Variants in GLTP observed in about 807,000 individuals in gnomAD.
The protein encoded by GLTP is glycolipid transfer protein.
GLTP carries 22 observed loss-of-function variants against 24.0 expected under a neutral mutation model. The observed-to-expected ratio is 0.92, with a 90% CI of 0.65 to 1.31. The LOEUF is 1.31. Among genes scored for constraint, GLTP ranks in the 50% most tolerant of loss-of-function variants. The probability of loss-of-function intolerance (pLI) is 0.00; values close to 1 mark genes in which losing one functional copy is unlikely to be tolerated. For missense variants in GLTP, 224 were observed against 276.6 expected (o/e 0.81, Z 1.35); for synonymous variants, 92 against 115.9 (o/e 0.79, Z 1.33).
At chr12:109,856,656 G>A (rs923044121) in intron 3 of GLTP, among the ~76,000 whole-genome samples, 1 of 152,190 alleles carries the variant, frequency 6.6e-6, no homozygotes, top group South Asian at 2.1e-4. Context: ...AAGTCAGGGT[G>A]GGGTGCTCTA....
intron 1 of GLTP, among the ~76,000 whole-genome samples, chr12:109,878,147 C>T (rs1457084234): frequency 1.3e-5 from 2 of 152,218 alleles, no homozygotes; most frequent in Non-Finnish European, 2.9e-5. Flanking sequence ...TGCTCTTTAG[C>T]CCTGGCACCA....
At chr12:109,862,217 C>A (rs909797997) in intron 1 of GLTP, among the ~76,000 whole-genome samples, 2 of 152,134 alleles carry the variant, frequency 1.3e-5, no homozygotes, top group Admixed American at 1.3e-4. Context: ...CCCAGACAGG[C>A]CTGCCAAGCA....
chr12:109,855,503 G>T lies in GLTP; in HGVS notation c.447+116C>A. The T allele has an allele frequency of 1.1e-6, 1 of 910,848 alleles. No homozygotes were observed. Among genetic ancestry groups the T allele is most frequent in the Non-Finnish European group, 1.6e-6 (1 of 616,856 alleles). The allele number at this position is 910,848 out of a possible 1,614,324, so 56.4% of individuals were successfully genotyped here. On this transcript the variant is annotated intron_variant, in intron 4 of 4. Transcript: ENST00000318348. The surrounding 1 kb of genome is among the most constrained non-coding windows in gnomAD (Gnocchi z 4.1). ...CCAAATAGATGAGGGAGCCCTTCCT[G>T]AGCCCGAGGGGGTAAACACAGCCTC...
intron 1 of GLTP, among the ~76,000 whole-genome samples, chr12:109,875,716 T>C (rs1191248396): frequency 3.9e-5 from 6 of 152,106 alleles, no homozygotes; most frequent in African/African-American, 7.2e-5. Flanking sequence ...GAGATTCCAA[T>C]TGGAGATAAG....
chr12:109,877,905 G>C (rs1214555301), intron 1 of GLTP, among the ~76,000 whole-genome samples: 1 of 152,180 alleles, frequency 6.6e-6, no homozygotes, highest in Admixed American at 6.5e-5. Flanking sequence ...GAGAATAATG[G>C]TTCAAACGAA....
chr12:109,868,542 A>G (rs1868615142), intron 1 of GLTP, among the ~76,000 whole-genome samples: 1 of 152,148 alleles, frequency 6.6e-6, no homozygotes, highest in African/African-American at 2.4e-5. Context: ...TGTTCAGGGA[A>G]AAAAAAGGAC....
At chr12:109,854,365 CAAAAAA>C (rs34720686) in intron 4 of GLTP, among the ~76,000 whole-genome samples, 3 of 97,612 alleles carry the variant, frequency 3.1e-5, no homozygotes, top group South Asian at 3.6e-4. Flanking sequence ...GACCCTGTCT[CAAAAAA>C]AAAAAAAAAA....
At chr12:109,856,356 TG>T (rs1892795830) in intron 3 of GLTP, among the ~76,000 whole-genome samples, 1 of 152,118 alleles carries the variant, frequency 6.6e-6, no homozygotes, top group African/African-American at 2.4e-5. Context: ...GAGAAGCGGA[TG>T]GGGTACAACA....
rs549981952 is a variant in GLTP at position 109,875,755 on chromosome 12, C to T, written c.103+4517G>A. On this transcript the variant is annotated intron_variant, in intron 1 of 4. Coordinates refer to ENST00000318348, the MANE Select transcript of GLTP (RefSeq NM_016433.4). ...GAAGGGCAGGCCCAAGATATGGATG[C>T]GCTAAATCAGGCAGGCAAGAGGCTG... Among the ~76,000 whole-genome samples the T allele has an allele frequency of 2.6e-5, 4 of 152,322 alleles. No homozygotes were observed. The East Asian group carries it at 5.8e-4, about 22-fold the overall frequency.
chr12:109,878,604 A>C (rs968123127), intron 1 of GLTP, among the ~76,000 whole-genome samples: 5 of 148,686 alleles, frequency 3.4e-5, no homozygotes, highest in East Asian at 2.0e-4. Context: ...ACAAGCAAGC[A>C]AAAAAAAAAC....
Position 109,859,527 on chromosome 12 carries a change from A to ATTT in GLTP, c.104-789_104-787dup, listed in dbSNP as rs35192952. On this transcript the variant is annotated intron_variant, in intron 1 of 4. Transcript: ENST00000318348. ...GAGCGAGACTCTGTCTCAAAAAATAATTTTTTTTTTGCACAGATCTTGATG... is the reference window on the plus strand; with the variant it reads ...GAGCGAGACTCTGTCTCAAAAAATAATTTTTTTTTTTTTGCACAGATCTTGATG... 6.2e-3 allele frequency among the ~76,000 whole-genome samples: 928 copies of ATTT among 150,244 alleles called. 1 individual carries two copies. Among genetic ancestry groups the ATTT allele is most frequent in the Non-Finnish European group, 9.0e-3 (606 of 67,572 alleles).
intron 1 of GLTP, among the ~76,000 whole-genome samples, chr12:109,877,165 T>TC (rs1868916358): frequency 1.3e-5 from 2 of 152,152 alleles, no homozygotes; most frequent in African/African-American, 4.8e-5. Context: ...TACTTTTTTT[T>TC]CCCCAAAAAG....
intron 1 of GLTP, among the ~76,000 whole-genome samples, chr12:109,871,501 C>G (rs1211462827): frequency 1.3e-5 from 2 of 152,188 alleles, no homozygotes; most frequent in African/African-American, 2.4e-5. Context: ...GAGACGACTT[C>G]CAACGTCTTC....
At chr12:109,874,431 C>T (rs541020373) in intron 1 of GLTP, among the ~76,000 whole-genome samples, 1 of 152,274 alleles carries the variant, frequency 6.6e-6, no homozygotes, top group African/African-American at 2.4e-5. Flanking sequence ...ACCTAGAAGG[C>T]CACATTCCAC....
At chr12:109,876,800 TCTCA>T (rs1411585533) in intron 1 of GLTP, among the ~76,000 whole-genome samples, 1 of 152,192 alleles carries the variant, frequency 6.6e-6, no homozygotes, top group Non-Finnish European at 1.5e-5. Flanking sequence ...TGAGACAGGG[TCTCA>T]CTCTGTCAAC....
At chr12:109,868,094 T>TCCGAGGCTC (rs1267658032) in intron 1 of GLTP, among the ~76,000 whole-genome samples, 1 of 152,332 alleles carries the variant, frequency 6.6e-6, no homozygotes, top group South Asian at 2.1e-4. Flanking sequence ...AGCTTTGACC[T>TCCGAGGCTC]CCGAGGCTCA....
intron 1 of GLTP, among the ~76,000 whole-genome samples, chr12:109,862,914 T>C (rs1868410723): frequency 6.6e-6 from 1 of 151,930 alleles, no homozygotes; most frequent in African/African-American, 2.4e-5. Flanking sequence ...TAGCCAGGTG[T>C]GGTGGTGCAT....
At position 109,855,588 on chromosome 12, in the gene GLTP, T is replaced by G; in HGVS notation, c.447+31A>C. ...GTGGGGAGCAGAATCTGCAAGCTGG[T>G]GGTCCTTTGGGGCTCATGGGGGTGG... On this transcript the variant is annotated intron_variant, in intron 4 of 4. Coordinates refer to ENST00000318348, the MANE Select transcript of GLTP (RefSeq NM_016433.4). The surrounding 1 kb of genome is among the most constrained non-coding windows in gnomAD (Gnocchi z 4.1). The G allele has an allele frequency of 6.6e-7, 1 of 1,515,850 alleles. No homozygotes were observed. Among genetic ancestry groups the G allele is most frequent in the Non-Finnish European group, 8.9e-7 (1 of 1,126,890 alleles). 93.9% of individuals were successfully genotyped at this position (1,515,850 alleles called of 1,614,324 possible).
At position 109,880,399 on chromosome 12, in the gene GLTP, G is replaced by A; in HGVS notation, c.-25C>T. On this transcript the variant is annotated 5_prime_UTR_variant, in exon 1 of 5. Coordinates refer to ENST00000318348, the MANE Select transcript of GLTP (RefSeq NM_016433.4). The surrounding 1 kb of genome is among the most constrained non-coding windows in gnomAD (Gnocchi z 5.1). ...TTTCGGGGTCGAGGCCCGCGGTGAT[G>A]CCCCAGCCGGCGCCGCGGGCGTCGA... The A allele has an allele frequency of 2.5e-6, 3 of 1,200,530 alleles. No homozygotes were observed. Among genetic ancestry groups the A allele is most frequent in the Non-Finnish European group, 2.2e-6 (2 of 900,268 alleles). The allele number at this position is 1,200,530 out of a possible 1,614,324, so 74.4% of individuals were successfully genotyped here.
Sources: gnomAD v4.1 joint callset for allele counts (sites outside exome capture counted in the v4.1 genomes callset) on GRCh38, gnomAD v4.1.1 for gene constraint, Gnocchi (gnomAD v3.1) non-coding constraint, MANE v1.5 for transcripts, NCBI Gene and HGNC (gene_info 2026-07-23, HGNC 2026-07-21) for gene names.